Variants in ETS1 observed in about 807,000 individuals in gnomAD.
ETS1 encodes ETS proto-oncogene 1, transcription factor.
In ETS1, 15 loss-of-function variants were observed where a neutral mutation model predicts 58.6. The observed-to-expected ratio is 0.26, with a 90% CI of 0.17 to 0.39. The LOEUF is 0.39. ETS1 is among the 10% of genes least tolerant of loss of function. ETS1 has a pLI of 1.00. For synonymous variants in ETS1, 214 were observed against 218.2 expected (o/e 0.98, Z 0.17); for missense variants, 417 against 610.5 (o/e 0.68, Z 3.34).
chr11:128,504,053 G>A (rs1001208372), intron 3 of ETS1, among the ~76,000 whole-genome samples: 5 of 152,090 alleles, frequency 3.3e-5, no homozygotes, highest in Non-Finnish European at 7.4e-5. Context: ...CTGAGACTTC[G>A]GGGATTTAGG....
chr11:128,569,159 C>T (rs1022812020), intron 2 of ETS1, among the ~76,000 whole-genome samples: 1 of 152,110 alleles, frequency 6.6e-6, no homozygotes, highest in Non-Finnish European at 1.5e-5. Context: ...GGCTTCTACT[C>T]TGATGCCAGG....
intron 1 of ETS1, among the ~76,000 whole-genome samples, chr11:128,585,008 A>AAGG (rs1565420905): frequency 2.8e-4 from 9 of 31,874 alleles, no homozygotes; most frequent in African/African-American, 6.9e-4. Flanking sequence ...GGAAGGAAAG[A>AAGG]AAGGAAAGAA....
chr11:128,503,447 G>A (rs1863143465), intron 3 of ETS1, among the ~76,000 whole-genome samples: 1 of 152,100 alleles, frequency 6.6e-6, no homozygotes, highest in African/African-American at 2.4e-5. Context: ...CCATCTGGAG[G>A]GTGCGCTCAT....
intron 8 of ETS1, among the ~76,000 whole-genome samples, chr11:128,473,226 T>G (rs1862233857): frequency 6.6e-6 from 1 of 152,186 alleles, no homozygotes; most frequent in Non-Finnish European, 1.5e-5. Flanking sequence ...CTACGCCCCA[T>G]GACACTGCCA....
intron 8 of ETS1, among the ~76,000 whole-genome samples, chr11:128,468,692 T>C (rs1029936084): frequency 6.6e-6 from 1 of 152,118 alleles, no homozygotes; most frequent in Non-Finnish European, 1.5e-5. Flanking sequence ...TCCTCATATT[T>C]CCATAGTACA....
intron 1 of ETS1, among the ~76,000 whole-genome samples, chr11:128,574,255 TG>T (rs2135583622): frequency 6.6e-6 from 1 of 152,358 alleles, no homozygotes; most frequent in South Asian, 2.1e-4. Flanking sequence ...ACAAACCTCC[TG>T]AAGTCATAAC....
intron 1 of ETS1, among the ~76,000 whole-genome samples, chr11:128,579,641 C>A (rs538887464): frequency 1.7e-4 from 21 of 123,262 alleles, no homozygotes; most frequent in Non-Finnish European, 3.3e-4. Context: ...CACCCGGCAA[C>A]AAGAGCAAAA....
intron 8 of ETS1, among the ~76,000 whole-genome samples, chr11:128,465,840 T>TG (rs1416779591): frequency 1.3e-5 from 2 of 152,206 alleles, no homozygotes; most frequent in Non-Finnish European, 2.9e-5. Flanking sequence ...ATGCAACTGT[T>TG]GTGCTATTTG....
chr11:128,507,489 C>T (rs1004901775), intron 3 of ETS1, among the ~76,000 whole-genome samples: 4 of 152,204 alleles, frequency 2.6e-5, no homozygotes, highest in Admixed American at 2.6e-4. Context: ...GATTAGCAAG[C>T]ACATTTACAC....
At chr11:128,573,172 C>A in intron 1 of ETS1, 28 bp from the exon 2 acceptor site, 1 of 1,472,154 alleles carries the variant, frequency 6.8e-7, no homozygotes, top group Non-Finnish European at 9.3e-7. Context: ...TTGGCTGAGC[C>A]TCTGGATGCT....
chr11:128,533,586 T>C (rs928194241), intron 3 of ETS1, among the ~76,000 whole-genome samples: 58 of 152,220 alleles, frequency 3.8e-4, no homozygotes, highest in Non-Finnish European at 6.5e-4. Context: ...CTTCACTCTT[T>C]TATGCATTTT....
At chr11:128,480,547 A>G in intron 7 of ETS1, 96 bp from the exon 8 acceptor site, 1 of 816,994 alleles carries the variant, frequency 1.2e-6, no homozygotes, top group Non-Finnish European at 2.0e-6. Context: ...ACAGATTGCT[A>G]ATCAGATCTG....
At chr11:128,492,719 T>A (rs1442133250) in intron 3 of ETS1, among the ~76,000 whole-genome samples, 2 of 152,002 alleles carry the variant, frequency 1.3e-5, no homozygotes, top group Non-Finnish European at 2.9e-5. Flanking sequence ...CTGCTCCCCA[T>A]CCATCCCCAC....
In ETS1 at chr11:128,549,974, C is replaced by T. The variant is rs751017342; in HGVS notation, c.214+6317G>A. ...GATTCACCTAAATCCACACTCACAC[C>T]ATGGCGAAAGGAAAAAGAAGAAAAG... is the stretch of plus-strand genomic sequence containing the variant. On this transcript the variant is annotated intron_variant, in intron 3 of 9. Coordinates refer to ENST00000392668, the MANE Select transcript of ETS1 (RefSeq NM_001143820.2). This position sits in a 1 kb window ranked among gnomAD's most constrained non-coding sequence, Gnocchi z 4.3. Among the ~76,000 whole-genome samples, 51 of 152,228 alleles carry T rather than the reference C, an allele frequency of 3.4e-4. No individual in the cohort carries two copies. Among genetic ancestry groups the T allele is most frequent in the Non-Finnish European group, 3.7e-4 (25 of 68,040 alleles).
intron 1 of ETS1, among the ~76,000 whole-genome samples, chr11:128,583,500 A>G: frequency 6.6e-6 from 1 of 152,222 alleles, no homozygotes; most frequent in East Asian, 1.9e-4. Context: ...AGGTGCCAAG[A>G]GATAATTTAA....
At chr11:128,466,596 TG>T (rs1245003248) in intron 8 of ETS1, among the ~76,000 whole-genome samples, 2 of 152,314 alleles carry the variant, frequency 1.3e-5, no homozygotes, top group African/African-American at 2.4e-5. Flanking sequence ...TGCCCTGCCC[TG>T]CCCTTTCTCT....
intron 3 of ETS1, among the ~76,000 whole-genome samples, chr11:128,551,123 G>A (rs969277597): frequency 3.3e-5 from 5 of 152,232 alleles, no homozygotes; most frequent in African/African-American, 1.2e-4. Flanking sequence ...CCCTGAATGA[G>A]GAAAGAAGAG....
chr11:128,489,381 G>T lies in ETS1; in HGVS notation c.444C>A (p.Ala148=). 6.2e-7 allele frequency: 1 copy of T among 1,614,128 alleles called. No individual in the cohort carries two copies. The highest frequency in any genetic ancestry group is 8.5e-7 in the Non-Finnish European group (1 of 1,180,014). Residue 148 remains alanine (A), a synonymous_variant, in exon 5 of 10, where the codon GCC becomes GCA. Transcript: ENST00000392668. ...DFQKFCMNGA[A]LCALGKDCFL... Reference sequence around the variant, plus strand: ...AGCAGTCTTTACCCAGGGCGCAGAGGGCTGCTCCATTCATACAGAACTTCT... The same window carrying T: ...AGCAGTCTTTACCCAGGGCGCAGAGTGCTGCTCCATTCATACAGAACTTCT...
At chr11:128,582,871 C>T (rs2135596656) in intron 1 of ETS1, among the ~76,000 whole-genome samples, 1 of 152,020 alleles carries the variant, frequency 6.6e-6, no homozygotes, top group Admixed American at 6.6e-5. Flanking sequence ...CTTTTGTGGA[C>T]TTACGCTTTA....
Sources: allele counts gnomAD v4.1 joint callset (sites outside exome capture counted in the v4.1 genomes callset), GRCh38; gene constraint gnomAD v4.1.1; non-coding constraint Gnocchi (gnomAD v3.1); transcripts MANE v1.5; gene names NCBI Gene and HGNC (gene_info 2026-07-23, HGNC 2026-07-21).